The following COL6A2 variants were observed in gnomAD, a reference collection of about 807,000 sequenced individuals.
COL6A2 encodes collagen alpha-2(VI) chain.
COL6A2 carries 90 observed loss-of-function variants against 124.9 expected under a neutral mutation model. The observed-to-expected ratio is 0.72, with a 90% CI of 0.61 to 0.86. The LOEUF (loss-of-function observed/expected upper bound fraction) is 0.86, where lower values mean the gene tolerates loss of function less well. Ranked by LOEUF, COL6A2 falls within the 40% of genes least tolerant of loss-of-function variation. The pLI is 0.00. For synonymous variants in COL6A2, 793 were observed against 618.2 expected (o/e 1.28, Z -4.19); for missense variants, 1,607 against 1,502.5 (o/e 1.07, Z -1.15).
Position 46,112,331 on chromosome 21 carries a change from C to G in COL6A2, c.468C>G (p.Phe156Leu). ...ACCGCAGCAAGGGCACCGTCCACTTCGCCGTGGTCATCACCGACGGCCACG... is the reference window on the plus strand; with the variant it reads ...ACCGCAGCAAGGGCACCGTCCACTTGGCCGTGGTCATCACCGACGGCCACG... ...RQDRSKGTVHFAVVITDGHVT... is the reference protein window; with the variant it reads ...RQDRSKGTVHLAVVITDGHVT... Residue 156 changes from phenylalanine (F) to leucine (L), a missense_variant, in exon 3 of 28, where the codon TTC becomes TTG. By Grantham distance (22) the Phe-to-Leu change is conservative (BLOSUM62 0). This residue lies in a region of COL6A2 where 342 missense variants were observed against 381.5 expected (regional missense o/e 0.90). Transcript: ENST00000300527. 6.2e-7 allele frequency: 1 copy of G among 1,611,074 alleles called. No individual in the cohort carries two copies. Among genetic ancestry groups the G allele is most frequent in the Non-Finnish European group, 8.5e-7 (1 of 1,179,220 alleles).
In COL6A2 at chr21:46,124,897, C is replaced by T. The variant is rs2078635850; in HGVS notation, c.1747C>T (p.Pro583Ser). Residue 583 changes from proline (P) to serine (S), a missense_variant, in exon 23 of 28, where the codon CCC becomes TCC. Pro to Ser is a moderately conservative substitution (Grantham distance 74). Around this residue, in one of 3 missense-constraint regions of COL6A2, gnomAD observed 1,223 missense variants for 1,052.2 expected, o/e 1.16. Transcript: ENST00000300527. Reference sequence around the variant, plus strand: ...CTTCCTTCCCCAGGGTGAGCCCGGCCCCCCTGGAGACCCCGGTCTCACGGT... The same window carrying T: ...CTTCCTTCCCCAGGGTGAGCCCGGCTCCCCTGGAGACCCCGGTCTCACGGT... ...GVPGPEGEPG[P>S]PGDPGLTECD... 2 of 1,612,938 alleles carry T rather than the reference C, an allele frequency of 1.2e-6. No homozygotes were observed. The highest frequency in any genetic ancestry group is 2.2e-5 in the East Asian group (1 of 44,876).
chr21:46,132,042 C>T lies in COL6A2; in HGVS notation c.2550C>T (p.His850=), dbSNP rs1220536956. The T allele has an allele frequency of 5.6e-6, 9 of 1,608,054 alleles. No individual in the cohort carries two copies. Among genetic ancestry groups the T allele is most frequent in the Middle Eastern group, 1.6e-4 (1 of 6,080 alleles). ...AGCGGCTGGGTGAGCAGAACTTCCACAAGGCCCGGCGCTTCGTGGAGCAGG... is the reference window on the plus strand; with the variant it reads ...AGCGGCTGGGTGAGCAGAACTTCCATAAGGCCCGGCGCTTCGTGGAGCAGG... ...GSERLGEQNF[H]KARRFVEQVA... Residue 850 remains histidine, a synonymous_variant, in exon 28 of 28, where the codon CAC becomes CAT. Coordinates refer to ENST00000300527, the MANE Select transcript of COL6A2 (RefSeq NM_001849.4).
rs1192190901 is a variant in COL6A2 at position 46,120,398 on chromosome 21, A to T, written c.1333-117A>T. The T allele has an allele frequency of 1.4e-5, 11 of 768,966 alleles. No individual in the cohort carries two copies. In the African/African-American group the frequency reaches 1.6e-4, roughly 11 times the overall value. The allele number at this position is 768,966 out of a possible 1,614,324, so 47.6% of individuals were successfully genotyped here. A position where few individuals can be genotyped will look rare whatever the true frequency, so the allele number is the denominator to read the frequency against. On this transcript the variant is annotated intron_variant, in intron 15 of 27. Coordinates refer to ENST00000300527, the MANE Select transcript of COL6A2 (RefSeq NM_001849.4). Reference sequence around the variant, plus strand: ...GACTGTTGCAGGTCCCCCGGGACAGACGGGGTTCTTCCTCCCAGGCCCCCT... The same window carrying T: ...GACTGTTGCAGGTCCCCCGGGACAGTCGGGGTTCTTCCTCCCAGGCCCCCT...
chr21:46,128,947 GTGGTGTCCCCCAAAGGTGCCACCGTGC>G, intron 27 of COL6A2: 1 of 1,611,324 alleles, frequency 6.2e-7, no homozygotes. Flanking sequence ...CTCGGGGTCC[GTGGTGTCCCCCAAAGGTGCCACCGTGC>G]GGGTCTCCTA....
At chr21:46,127,347 T>C (rs958959560) in intron 27 of COL6A2, among the ~76,000 whole-genome samples, 34 of 151,860 alleles carry the variant, frequency 2.2e-4, no homozygotes, top group African/African-American at 8.2e-4. Context: ...GGGCGTTCCA[T>C]GGGGAGCTCC....
At position 46,116,729 on chromosome 21, in the gene COL6A2, G is replaced by A; in HGVS notation, c.955-41G>A. 6.2e-7 allele frequency: 1 copy of A among 1,613,102 alleles called. No individual in the cohort carries two copies. The highest frequency in any genetic ancestry group is 8.5e-7 in the Non-Finnish European group (1 of 1,180,012). On this transcript the variant is annotated intron_variant, in intron 9 of 27. Transcript: ENST00000300527. This position sits in a 1 kb window ranked among gnomAD's most constrained non-coding sequence, Gnocchi z 4.6. The stretch of plus-strand genomic sequence containing the variant: ...CTCCTTCCTGCTGCTCAGGGCAGAA[G>A]GACCGGGGCTAATGGAGTTCCCTCT...
intron 1 of COL6A2, among the ~76,000 whole-genome samples, chr21:46,111,233 C>T (rs545766609): frequency 1.3e-5 from 2 of 152,338 alleles, no homozygotes; most frequent in African/African-American, 4.8e-5. Context: ...GAGGCACCCA[C>T]TAAACATCTG....
rs1357267723 is a variant in COL6A2 at position 46,118,572 on chromosome 21, C to T, written c.1117-42C>T. On this transcript the variant is annotated intron_variant, in intron 12 of 27. Transcript: ENST00000300527. ...CAGCGGGCATCCTGCACCCCCCTTC[C>T]CCTGCCAAAAGACGTGAGGCTGATT... The T allele has an allele frequency of 4.4e-6, 7 of 1,605,404 alleles. No individual in the cohort carries two copies. The East Asian group carries it at 6.7e-5, about 15-fold the overall frequency.
intron 27 of COL6A2, chr21:46,128,946 C>G: frequency 6.2e-7 from 1 of 1,611,374 alleles, no homozygotes; most frequent in Non-Finnish European, 8.5e-7. Flanking sequence ...TCTCGGGGTC[C>G]GTGGTGTCCC....
At position 46,131,949 on chromosome 21, in the gene COL6A2, C is replaced by T. The variant is rs760890154; in HGVS notation, c.2462-5C>T. 1.6e-5 allele frequency: 26 copies of T among 1,594,946 alleles called. No homozygotes were observed. The highest frequency in any genetic ancestry group is 2.1e-5 in the Non-Finnish European group (25 of 1,173,380). ...CGCCCAGCCCGCACCTGCGTCTCCC[C>T]ACAGAGCTGTCCGTGGCACAGTGCA... is the stretch of plus-strand genomic sequence containing the variant. On this transcript the variant is annotated splice_region_variant and splice_polypyrimidine_tract_variant and intron_variant, in intron 27 of 27. Transcript: ENST00000300527.
chr21:46,113,539 G>A (rs903907517), intron 4 of COL6A2: 2 of 176,046 alleles, frequency 1.1e-5, no homozygotes, highest in South Asian at 2.6e-4. Context: ...ACCATACCTG[G>A]TGTGCGCATG....
At chr21:46,101,841 T>C (rs2123591756) in intron 1 of COL6A2, among the ~76,000 whole-genome samples, 1 of 139,546 alleles carries the variant, frequency 7.2e-6, no homozygotes, top group African/African-American at 2.6e-5. Context: ...GTTCTTATCT[T>C]TCACGATTTT....
chr21:46,128,648 A>G (rs1322364819), intron 27 of COL6A2, among the ~76,000 whole-genome samples: 4 of 152,242 alleles, frequency 2.6e-5, no homozygotes, highest in Non-Finnish European at 5.9e-5. Flanking sequence ...GCAATCAGCG[A>G]TAAGAGCTGC....
Position 46,119,660 on chromosome 21 carries a change from G to T in COL6A2, c.1270-128G>T, listed in dbSNP as rs934683474. On this transcript the variant is annotated intron_variant, in intron 14 of 27. Transcript: ENST00000300527. The stretch of plus-strand genomic sequence containing the variant: ...TGTTGGGAAGGAGCCTGGGGATCGA[G>T]GTCCCAGGTCCCAAAGCCAGAGCCC... 7.7e-6 allele frequency: 6 copies of T among 783,088 alleles called. No individual in the cohort carries two copies. The African/African-American group carries it at 1.0e-4, about 14-fold the overall frequency. The allele number at this position is 783,088 out of a possible 1,614,324, so 48.5% of individuals were successfully genotyped here. A position where few individuals can be genotyped will look rare whatever the true frequency, so the allele number is the denominator to read the frequency against.
rs777331621 is a variant in COL6A2 at position 46,122,859 on chromosome 21, G to A, written c.1609-16G>A. 6.2e-7 allele frequency: 1 copy of A among 1,612,302 alleles called. No individual in the cohort carries two copies. The highest frequency in any genetic ancestry group is 8.5e-7 in the Non-Finnish European group (1 of 1,179,096). ...CAGCTCCTCTGTCCCAGGCTAACATGTGTTCCCTGTCACAGGGAGGCCGAG... is the reference window on the plus strand; with the variant it reads ...CAGCTCCTCTGTCCCAGGCTAACATATGTTCCCTGTCACAGGGAGGCCGAG... On this transcript the variant is annotated splice_polypyrimidine_tract_variant and intron_variant, in intron 20 of 27. Coordinates refer to ENST00000300527, the MANE Select transcript of COL6A2 (RefSeq NM_001849.4).
rs765959776 is a variant in COL6A2 at position 46,124,665 on chromosome 21, C to T, written c.1686C>T (p.Pro562=). The part of the protein sequence containing the change: ...GEKGEPADPG[P]PGEPGPRGPR... The stretch of plus-strand genomic sequence containing the variant: ...TTCCTTCTCAGGCGGATCCTGGTCC[C>T]CCTGGTGAGCCAGGCCCTCGGGGGC... The change falls in exon 22 of 28, where the codon CCC becomes CCT. Residue 562 remains proline (P), a synonymous_variant. Transcript: ENST00000300527. 6.2e-7 allele frequency: 1 copy of T among 1,612,942 alleles called. No homozygotes were observed. The highest frequency in any genetic ancestry group is 8.5e-7 in the Non-Finnish European group (1 of 1,179,934).
At position 46,122,545 on chromosome 21, in the gene COL6A2, C is replaced by T; in HGVS notation, c.1608+14C>T. ...CGCGGCCCCGAGGTATGTGTGGGTC[C>T]TGGCCACCTGTGCCCACCCAGGGTG... On this transcript the variant is annotated intron_variant, in intron 20 of 27. Coordinates refer to ENST00000300527, the MANE Select transcript of COL6A2 (RefSeq NM_001849.4). The T allele has an allele frequency of 6.2e-7, 1 of 1,612,524 alleles. No homozygotes were observed. The highest frequency in any genetic ancestry group is 8.5e-7 in the Non-Finnish European group (1 of 1,179,890).
rs539457710 is a variant in COL6A2 at position 46,118,232 on chromosome 21, G to A, written c.1116+296G>A. Among the ~76,000 whole-genome samples the A allele has an allele frequency of 1.7e-3, 258 of 152,228 alleles. 4 individuals carry two copies. The South Asian group carries it at 0.02, about 12-fold the overall frequency. ...ACCTCCTGGAGCTCCCCATGGGAAC[G>A]TTGGTGCCCCAGGGGCTCTGCCCTC... On this transcript the variant is annotated intron_variant, in intron 12 of 27. Coordinates refer to ENST00000300527, the MANE Select transcript of COL6A2 (RefSeq NM_001849.4).
Position 46,112,825 on chromosome 21 carries a change from G to A in COL6A2, c.735+1G>A. The A allele has an allele frequency of 6.2e-7, 1 of 1,613,702 alleles. No individual in the cohort carries two copies. The highest frequency in any genetic ancestry group is 8.5e-7 in the Non-Finnish European group (1 of 1,180,036). ...GCAGAAACACGAAGCCTACGGAGAG[G>A]TGAGTGGCGCTTCCCTTCCTGCCAG... On this transcript the variant is annotated splice_donor_variant, in intron 4 of 27. Transcript: ENST00000300527. LOFTEE classifies it high-confidence loss of function.
Sources: allele counts gnomAD v4.1 joint callset (sites outside exome capture counted in the v4.1 genomes callset), GRCh38; gene constraint gnomAD v4.1.1; regional missense constraint gnomAD v4.1.1; non-coding constraint Gnocchi (gnomAD v3.1); transcripts MANE v1.5; gene names NCBI Gene and HGNC (gene_info 2026-07-23, HGNC 2026-07-21).